The following ANKRD12 variants were observed in gnomAD, a reference collection of about 807,000 sequenced individuals.
ANKRD12 encodes ankyrin repeat domain-containing protein 12.
In ANKRD12, 85 loss-of-function variants were observed where a neutral mutation model predicts 183.4. The observed-to-expected ratio is 0.46, with a 90% CI of 0.39 to 0.56. The LOEUF is 0.56. ANKRD12 is among the 20% of genes least tolerant of loss of function. ANKRD12 has a pLI of 0.00. For synonymous variants in ANKRD12, 914 were observed against 800.2 expected (o/e 1.14, Z -2.40); for missense variants, 2,405 against 2,357.1 (o/e 1.02, Z -0.42).
chr18:9,174,375 G>C (rs1327186408), intron 1 of ANKRD12, among the ~76,000 whole-genome samples: 1 of 152,212 alleles, frequency 6.6e-6, no homozygotes. Flanking sequence ...TTCTCACCTT[G>C]TTGGGATTCC....
intron 7 of ANKRD12, among the ~76,000 whole-genome samples, chr18:9,221,643 A>G (rs2036426304): frequency 6.6e-6 from 1 of 152,106 alleles, no homozygotes; most frequent in Admixed American, 6.5e-5. Flanking sequence ...TAAGGAGGAA[A>G]TTTTTTTGTA....
At chr18:9,172,451 T>C (rs2032832289) in intron 1 of ANKRD12, among the ~76,000 whole-genome samples, 3 of 152,346 alleles carry the variant, frequency 2.0e-5, no homozygotes, top group South Asian at 4.1e-4. Context: ...CTTGTTTGCC[T>C]ATCTTATTTC....
chr18:9,284,701 G>A lies in ANKRD12; in HGVS notation c.*3575G>A, dbSNP rs1316449248. Reference sequence around the variant, plus strand: ...GCCTCCACAGAGATAGTCACCCAAAGTATTTCCAGTCAGTAAAAGTAGAAT... The same window carrying A: ...GCCTCCACAGAGATAGTCACCCAAAATATTTCCAGTCAGTAAAAGTAGAAT... On this transcript the variant is annotated 3_prime_UTR_variant, in exon 13 of 13. Coordinates refer to ENST00000262126, the MANE Select transcript of ANKRD12 (RefSeq NM_015208.5). 1 of 151,816 alleles carries A rather than the reference G, an allele frequency of 6.6e-6. No individual in the cohort carries two copies. The highest frequency in any genetic ancestry group is 1.5e-5 in the Non-Finnish European group (1 of 67,962). The allele number at this position is 151,816 out of a possible 1,614,324, so 9.4% of individuals were successfully genotyped here.
intron 2 of ANKRD12, among the ~76,000 whole-genome samples, chr18:9,182,971 A>G (rs550565906): frequency 2.3e-4 from 35 of 152,204 alleles, no homozygotes; most frequent in African/African-American, 7.7e-4. Flanking sequence ...TTTACTTTTT[A>G]AAGTCTTTTT....
intron 1 of ANKRD12, among the ~76,000 whole-genome samples, chr18:9,141,664 T>A (rs746958649): frequency 1.9e-4 from 29 of 152,174 alleles, no homozygotes; most frequent in Non-Finnish European, 3.8e-4. Flanking sequence ...TTCTAAAAAT[T>A]TAAAAATTGT....
chr18:9,225,605 T>C (rs2036659298), intron 8 of ANKRD12, among the ~76,000 whole-genome samples: 2 of 152,200 alleles, frequency 1.3e-5, no homozygotes, highest in African/African-American at 2.4e-5. Context: ...TTGACATCAA[T>C]GTTTTCGTCA....
intron 9 of ANKRD12, among the ~76,000 whole-genome samples, chr18:9,262,985 G>C (rs1375124567): frequency 2.0e-5 from 3 of 151,636 alleles, no homozygotes; most frequent in East Asian, 3.9e-4. Flanking sequence ...TTTTAGTAGA[G>C]ACAGGACTTC....
intron 11 of ANKRD12, 65 bp downstream of exon 11, chr18:9,275,732 A>C: frequency 1.4e-6 from 2 of 1,398,982 alleles, no homozygotes; most frequent in South Asian, 3.4e-5. Context: ...CTATTTTTAG[A>C]ATCTATTTCC....
intron 1 of ANKRD12, among the ~76,000 whole-genome samples, chr18:9,158,670 C>T (rs915399931): frequency 1.3e-5 from 2 of 152,306 alleles, no homozygotes; most frequent in East Asian, 1.9e-4. Context: ...TGTCAGGTTT[C>T]TCTACAGCAC....
At chr18:9,219,336 C>T (rs1287679090) in intron 7 of ANKRD12, among the ~76,000 whole-genome samples, 1 of 152,172 alleles carries the variant, frequency 6.6e-6, no homozygotes, top group Admixed American at 6.5e-5. Flanking sequence ...ATATCCACTA[C>T]AGTATTATTT....
rs772342441 is a variant in ANKRD12, at chr18:9,257,111, T to G, written c.3844T>G (p.Ser1282Ala). 6.2e-7 allele frequency: 1 copy of G among 1,614,124 alleles called. No individual in the cohort carries two copies. Among genetic ancestry groups the G allele is most frequent in the South Asian group, 1.1e-5 (1 of 91,082 alleles). The change falls in exon 9 of 13, where the codon TCA becomes GCA. Residue 1282 changes from serine to alanine, a missense_variant. Transcript: ENST00000262126. ...TAAACCACCATATGCAAACAGACTT[T>G]CAACATCCCATCTTAGGTCATCTTC... ...RIKPPYANRL[S>A]TSHLRSSSVE... is the part of the protein sequence containing the mutation.
At chr18:9,227,479 A>G (rs1314552535) in intron 8 of ANKRD12, among the ~76,000 whole-genome samples, 2 of 152,220 alleles carry the variant, frequency 1.3e-5, no homozygotes, top group African/African-American at 4.8e-5. Flanking sequence ...AGCTTGGAAT[A>G]TCTTAAAATT....
At chr18:9,227,116 A>AAT (rs997038034) in intron 8 of ANKRD12, among the ~76,000 whole-genome samples, 26 of 152,154 alleles carry the variant, frequency 1.7e-4, no homozygotes, top group Non-Finnish European at 1.0e-4. Context: ...GAAATACTAA[A>AAT]ATATATATGG....
At chr18:9,264,786 C>G (rs1177842642) in intron 10 of ANKRD12, among the ~76,000 whole-genome samples, 1 of 152,088 alleles carries the variant, frequency 6.6e-6, no homozygotes, top group Non-Finnish European at 1.5e-5. Context: ...TTGAAACCAC[C>G]TAGTATATAT....
chr18:9,227,428 A>G (rs909545117), intron 8 of ANKRD12, among the ~76,000 whole-genome samples: 5 of 152,218 alleles, frequency 3.3e-5, no homozygotes, highest in Admixed American at 6.5e-5. Flanking sequence ...CCAAGATTTC[A>G]TAGAAGAAGA....
At chr18:9,155,806 ATTC>A (rs1188838158) in intron 1 of ANKRD12, among the ~76,000 whole-genome samples, 1 of 151,864 alleles carries the variant, frequency 6.6e-6, no homozygotes, top group African/African-American at 2.4e-5. Context: ...CTCTTGGATT[ATTC>A]TTTTTCATAT....
intron 1 of ANKRD12, among the ~76,000 whole-genome samples, chr18:9,178,344 G>GT (rs2033445420): frequency 5.4e-3 from 54 of 10,048 alleles, no homozygotes; most frequent in Admixed American, 0.042. Flanking sequence ...TCTCTCTCTC[G>GT]TTTTTTGCAT....
intron 1 of ANKRD12, 63 bp from the exon 2 acceptor site, chr18:9,182,319 A>C: frequency 2.0e-6 from 1 of 512,650 alleles, no homozygotes; most frequent in Non-Finnish European, 3.2e-6. Flanking sequence ...AAATTGGACT[A>C]ATTGTGGTGC....
chr18:9,235,194 G>T (rs1184683696), intron 8 of ANKRD12, among the ~76,000 whole-genome samples: 1 of 152,162 alleles, frequency 6.6e-6, no homozygotes, highest in Non-Finnish European at 1.5e-5. Flanking sequence ...TAGAGAGCCA[G>T]TTTGTCATCT....
Sources: allele counts gnomAD v4.1 joint callset (sites outside exome capture counted in the v4.1 genomes callset), GRCh38; gene constraint gnomAD v4.1.1; transcripts MANE v1.5; gene names NCBI Gene and HGNC (gene_info 2026-07-23, HGNC 2026-07-21).